Variants in FHIT observed in about 807,000 individuals in gnomAD.
FHIT encodes fragile histidine triad diadenosine triphosphatase, also known as bis(5'-adenosyl)-triphosphatase.
FHIT carries 19 observed loss-of-function variants against 17.9 expected under a neutral mutation model. That is an observed-to-expected ratio of 1.06 (90% CI 0.74 to 1.56). The LOEUF is 1.56. Among genes scored for constraint, FHIT ranks in the 40% most tolerant of loss-of-function variants. The pLI is 0.00. For synonymous variants in FHIT, 81 were observed against 69.7 expected, an observed-to-expected ratio of 1.16 and a Z score of -0.81; for missense variants, 248 against 189.2, an observed-to-expected ratio of 1.31 and a Z score of -1.82.
At chr3:60,932,342 C>G (rs1707999310) in intron 3 of FHIT, among the ~76,000 whole-genome samples, 1 of 152,160 alleles carries the variant, frequency 6.6e-6, no homozygotes, top group African/African-American at 2.4e-5. Context: ...CTCTTCTCCA[C>G]CCACCTCTTC....
At chr3:59,899,996 G>T (rs1328765371) in intron 8 of FHIT, among the ~76,000 whole-genome samples, 2 of 152,224 alleles carry the variant, frequency 1.3e-5, no homozygotes, top group African/African-American at 2.4e-5. Context: ...CCATGTTCCA[G>T]TAAAACTTTA....
At chr3:60,920,858 G>A (rs973880677) in intron 3 of FHIT, among the ~76,000 whole-genome samples, 1 of 152,130 alleles carries the variant, frequency 6.6e-6, no homozygotes, top group African/African-American at 2.4e-5. Flanking sequence ...CTACTAAAGA[G>A]AACAGGGAGG....
At chr3:60,079,065 C>A (rs1034846434) in intron 5 of FHIT, among the ~76,000 whole-genome samples, 5 of 152,124 alleles carry the variant, frequency 3.3e-5, no homozygotes, top group African/African-American at 1.2e-4. Flanking sequence ...GACAACATGA[C>A]TTCACAGGGT....
intron 4 of FHIT, among the ~76,000 whole-genome samples, chr3:60,659,856 T>C (rs2040199828): frequency 6.6e-6 from 1 of 152,192 alleles, no homozygotes; most frequent in South Asian, 2.1e-4. Flanking sequence ...TTGTTGTTGT[T>C]GTTGAAAACC....
At chr3:61,198,922 TG>T (rs2038934736) in intron 2 of FHIT, among the ~76,000 whole-genome samples, 1 of 152,006 alleles carries the variant, frequency 6.6e-6, no homozygotes, top group African/African-American at 2.4e-5. Context: ...ATGATGATGA[TG>T]ATGATGATGA....
intron 2 of FHIT, among the ~76,000 whole-genome samples, chr3:61,137,867 C>T (rs968807362): frequency 6.6e-6 from 1 of 152,200 alleles, no homozygotes; most frequent in African/African-American, 2.4e-5. Context: ...TCCCTGCAGC[C>T]TCACACAGTC....
chr3:60,440,415 G>A (rs879432184), intron 5 of FHIT, among the ~76,000 whole-genome samples: 3 of 152,098 alleles, frequency 2.0e-5, no homozygotes, highest in Non-Finnish European at 4.4e-5. Flanking sequence ...TTGTAGGCAT[G>A]TCAAATAGGG....
chr3:60,379,857 A>C (rs1700726588), intron 5 of FHIT, among the ~76,000 whole-genome samples: 1 of 152,206 alleles, frequency 6.6e-6, no homozygotes, highest in African/African-American at 2.4e-5. Context: ...TAGGTTGAAG[A>C]AAAAACAAAA....
At chr3:60,626,576 CTTGT>C (rs1299489063) in intron 4 of FHIT, among the ~76,000 whole-genome samples, 4 of 152,036 alleles carry the variant, frequency 2.6e-5, no homozygotes, top group African/African-American at 7.2e-5. Flanking sequence ...ACTTGCTCAA[CTTGT>C]TTATTTCTGA....
At chr3:60,786,674 G>C (rs1298827074) in intron 4 of FHIT, among the ~76,000 whole-genome samples, 2 of 152,168 alleles carry the variant, frequency 1.3e-5, no homozygotes, top group African/African-American at 4.8e-5. Flanking sequence ...AAAAAGTTTA[G>C]TGGTGTTTCA....
chr3:60,318,739 G>A (rs1709282619), intron 5 of FHIT, among the ~76,000 whole-genome samples: 1 of 152,170 alleles, frequency 6.6e-6, no homozygotes, highest in Non-Finnish European at 1.5e-5. Context: ...GATTGCTGCT[G>A]TAACAAGTTA....
At position 59,749,515 on chromosome 3, in the gene FHIT, C is replaced by CA. The variant is rs1553657965; in HGVS notation, c.*69_*70insT. On this transcript the variant is annotated 3_prime_UTR_variant, in exon 10 of 10. Coordinates refer to ENST00000492590, the MANE Select transcript of FHIT (RefSeq NM_002012.4). ...TGATTCAGTTCCTCTTGGGGAGAGGCGGGGGGCGGTCTTCAAACTGGTTGG... is the reference window on the plus strand; with the variant it reads ...TGATTCAGTTCCTCTTGGGGAGAGGCAGGGGGGCGGTCTTCAAACTGGTTGG... The CA allele has an allele frequency of 7.4e-5, 17 of 229,468 alleles. No individual in the cohort carries two copies. The highest frequency in any genetic ancestry group is 1.3e-4 in the Non-Finnish European group (15 of 115,982). 14.2% of individuals were successfully genotyped at this position (229,468 alleles called of 1,614,324 possible).
intron 8 of FHIT, among the ~76,000 whole-genome samples, chr3:59,845,316 C>T (rs754361315): frequency 6.7e-6 from 1 of 150,150 alleles, no homozygotes; most frequent in Non-Finnish European, 1.5e-5. Flanking sequence ...AATCTTTATT[C>T]TTTCCTTCTG....
chr3:60,866,266 C>T (rs1166955228), intron 3 of FHIT, among the ~76,000 whole-genome samples: 4 of 152,170 alleles, frequency 2.6e-5, no homozygotes, highest in African/African-American at 9.6e-5. Flanking sequence ...AAGTCATTTT[C>T]CATGTGGAAG....
intron 4 of FHIT, among the ~76,000 whole-genome samples, chr3:60,754,371 G>A (rs1441872278): frequency 6.6e-6 from 1 of 152,252 alleles, no homozygotes; most frequent in African/African-American, 2.4e-5. Context: ...TCTCACATAC[G>A]AGTAGAGGCT....
chr3:60,681,353 C>T (rs2040743911), intron 4 of FHIT, among the ~76,000 whole-genome samples: 1 of 152,158 alleles, frequency 6.6e-6, no homozygotes, highest in Non-Finnish European at 1.5e-5. Context: ...GACTGCTGCA[C>T]TGACTAGCCA....
intron 3 of FHIT, among the ~76,000 whole-genome samples, chr3:60,968,288 T>C (rs1247864171): frequency 6.6e-6 from 1 of 152,140 alleles, no homozygotes; most frequent in Non-Finnish European, 1.5e-5. Context: ...TTCTTGCCCA[T>C]CACAAGATTA....
At chr3:61,219,547 C>T (rs2039780493) in intron 1 of FHIT, among the ~76,000 whole-genome samples, 1 of 152,162 alleles carries the variant, frequency 6.6e-6, no homozygotes, top group Non-Finnish European at 1.5e-5. Flanking sequence ...TTTTCACCTA[C>T]AGTTACAATA....
intron 3 of FHIT, among the ~76,000 whole-genome samples, chr3:60,960,451 C>T (rs1709367803): frequency 6.6e-6 from 1 of 152,178 alleles, no homozygotes; most frequent in South Asian, 2.1e-4. Flanking sequence ...ACTTTAAGTT[C>T]TAGGGTACAT....
Sources: gnomAD v4.1 joint callset for allele counts (sites outside exome capture counted in the v4.1 genomes callset) on GRCh38, gnomAD v4.1.1 for gene constraint, MANE v1.5 for transcripts, NCBI Gene and HGNC (gene_info 2026-07-23, HGNC 2026-07-21) for gene names.